The following PIGG variants were observed in gnomAD, a reference collection of about 807,000 sequenced individuals.
PIGG encodes the protein phosphatidylinositol glycan anchor biosynthesis class G (EMM blood group), also known as GPI ethanolamine phosphate transferase 2, catalytic subunit.
PIGG carries 70 observed loss-of-function variants against 83.2 expected under a neutral mutation model. The ratio of observed to expected loss-of-function variants is 0.84; its 90% CI spans 0.69 to 1.03. The LOEUF (loss-of-function observed/expected upper bound fraction) is 1.03. Ranked by LOEUF, PIGG falls within the 50% of genes least tolerant of loss-of-function variation. The pLI is 0.00. For missense variants in PIGG, 1,257 were observed against 1,233.6 expected (o/e 1.02, Z -0.28); for synonymous variants, 532 against 519.5 (o/e 1.02, Z -0.33).
At chr4:530,340 G>A in intron 10 of PIGG, 96 bp from the exon 11 acceptor site, 1 of 852,892 alleles carries the variant, frequency 1.2e-6, no homozygotes. Context: ...GACATTTACT[G>A]GTTCCCTGGG....
At position 506,690 on chromosome 4, in the gene PIGG, C is replaced by T. The variant is rs1719830934; in HGVS notation, c.571-715C>T. 4.4e-6 allele frequency: 2 copies of T among 450,272 alleles called. 1 individual carries two copies. Among genetic ancestry groups the T allele is most frequent in the South Asian group, 3.1e-5 (2 of 64,154 alleles). The allele number at this position is 450,272 out of a possible 1,614,324, so 27.9% of individuals were successfully genotyped here. A position where few individuals can be genotyped will look rare whatever the true frequency, so the allele number is the denominator to read the frequency against. Reference sequence around the variant, plus strand: ...AGATGAGCTAGCTGAGGGGTCAGGGCTCACCAGGCTGACAGCTCTATTGGG... The same window carrying T: ...AGATGAGCTAGCTGAGGGGTCAGGGTTCACCAGGCTGACAGCTCTATTGGG... On this transcript the variant is annotated intron_variant, in intron 3 of 12. Coordinates refer to ENST00000453061, the MANE Select transcript of PIGG (RefSeq NM_001127178.3).
chr4:506,902 T>C, intron 3 of PIGG: 1 of 404,208 alleles, frequency 2.5e-6, no homozygotes, highest in Non-Finnish European at 5.2e-6. Context: ...CCCTTTGCCC[T>C]TAGTTACCTC....
chr4:523,927 C>A lies in PIGG; in HGVS notation c.2069+14C>A. The stretch of plus-strand genomic sequence containing the variant: ...CTGGCTCACCAGGTGAGAGCGTAGG[C>A]CCGTGGCCACAGGCCAGACTTTCTA... On this transcript the variant is annotated intron_variant, in intron 9 of 12. Transcript: ENST00000453061. The A allele has an allele frequency of 6.8e-7, 1 of 1,472,150 alleles. No homozygotes were observed. The allele number at this position is 1,472,150 out of a possible 1,614,324, so 91.2% of individuals were successfully genotyped here.
In PIGG at chr4:527,247, C is replaced by T. The variant is rs770646267; in HGVS notation, c.2261+17C>T. On this transcript the variant is annotated intron_variant, in intron 10 of 12. Transcript: ENST00000453061. ...CATTTCCAAGTAAGTGCGTGGCGGACACGGGGTGCATAGAGCCACTTTACT... is the reference window on the plus strand; with the variant it reads ...CATTTCCAAGTAAGTGCGTGGCGGATACGGGGTGCATAGAGCCACTTTACT... 1.1e-5 allele frequency: 17 copies of T among 1,561,608 alleles called. No individual in the cohort carries two copies. The highest frequency in any genetic ancestry group is 1.5e-5 in the Non-Finnish European group (17 of 1,155,242).
intron 11 of PIGG, 52 bp from the exon 12 acceptor site, chr4:533,766 T>TCAC: frequency 6.4e-7 from 1 of 1,558,126 alleles, no homozygotes; most frequent in Non-Finnish European, 8.8e-7. Context: ...ACATCGTGGC[T>TCAC]GTTGATGCCA....
At chr4:502,954 T>C (rs1560270797) in intron 2 of PIGG, among the ~76,000 whole-genome samples, 1 of 151,716 alleles carries the variant, frequency 6.6e-6, no homozygotes, top group Admixed American at 6.6e-5. Context: ...GGGACAGTCC[T>C]ATGGAAACTG....
intron 6 of PIGG, among the ~76,000 whole-genome samples, chr4:520,306 G>C (rs539818155): frequency 1.3e-5 from 2 of 152,342 alleles, no homozygotes; most frequent in African/African-American, 4.8e-5. Context: ...GTGTGGTCCC[G>C]GCAGAGGCTC....
chr4:500,417 C>T lies in PIGG; in HGVS notation c.176C>T (p.Thr59Met). The T allele has an allele frequency of 1.2e-6, 2 of 1,613,730 alleles. No homozygotes were observed. Among genetic ancestry groups the T allele is most frequent in the South Asian group, 1.1e-5 (1 of 91,074 alleles). The change falls in exon 2 of 13, where the codon ACG (threonine) becomes ATG (methionine). Residue 59 changes from threonine (T) to methionine (M), a missense_variant. Thr to Met is a moderately conservative substitution (Grantham distance 81, BLOSUM62 -1). Coordinates refer to ENST00000453061, the MANE Select transcript of PIGG (RefSeq NM_001127178.3). ...TTAGGAGCCAGTTCTAACTGGACCA[C>T]GCTGCCACCACCTCTCTTCAGTAAA... ...PSAGASSNWTTLPPPLFSKVV... is the reference protein window; with the variant it reads ...PSAGASSNWTMLPPPLFSKVV...
chr4:506,751 T>C (rs782509622), intron 3 of PIGG: 3 of 456,136 alleles, frequency 6.6e-6, no homozygotes, highest in South Asian at 4.6e-5. Flanking sequence ...CCGTGATGTG[T>C]TTATTTCAGA....
chr4:509,291 C>T (rs77502385), intron 5 of PIGG, among the ~76,000 whole-genome samples: 1 of 152,154 alleles, frequency 6.6e-6, no homozygotes, highest in African/African-American at 2.4e-5. Flanking sequence ...GTGAATACCT[C>T]GGCTTTTTTA....
chr4:526,978 G>GTGTA lies in PIGG; in HGVS notation c.2070-60_2070-57dup, dbSNP rs1157278675. 3.1e-6 allele frequency: 5 copies of GTGTA among 1,594,198 alleles called. No homozygotes were observed. The African/African-American group carries it at 5.4e-5, about 17-fold the overall frequency. On this transcript the variant is annotated intron_variant, in intron 9 of 12. Coordinates refer to ENST00000453061, the MANE Select transcript of PIGG (RefSeq NM_001127178.3). ...AATACCGTTCTTTGAAAGCCACTTG[G>GTGTA]TGTAGATTGATCTTGTCGCTGTTTG...
intron 5 of PIGG, among the ~76,000 whole-genome samples, chr4:510,743 T>C (rs1028882183): frequency 1.3e-5 from 2 of 152,142 alleles, no homozygotes; most frequent in Non-Finnish European, 2.9e-5. Flanking sequence ...ACTCACAGCA[T>C]TGGGCCACCA....
rs771022678 is a variant in PIGG at position 521,264 on chromosome 4, G to A, written c.1323G>A (p.Val441=). ...ATTCGATGATGGTGGGGACTGTCGT[G>A]GTTTTGGAGGTACAGATGCTCACAC... ...DIYSMMVGTV[V]VLEVLTLLLL... Residue 441 remains valine, a synonymous_variant, in exon 7 of 13, where the codon GTG becomes GTA. Transcript: ENST00000453061. 1.9e-6 allele frequency: 3 copies of A among 1,610,954 alleles called. No individual in the cohort carries two copies. Among genetic ancestry groups the A allele is most frequent in the Non-Finnish European group, 2.5e-6 (3 of 1,177,340 alleles).
At chr4:501,257 ATC>A in intron 2 of PIGG, 1 of 415,264 alleles carries the variant, frequency 2.4e-6, no homozygotes. Context: ...AAAAAATAGT[ATC>A]TCTGCCTTCA....
rs1397607565 is a variant in PIGG, at chr4:516,118, A to G, written c.1047A>G (p.Arg349=). 8.1e-6 allele frequency: 13 copies of G among 1,613,926 alleles called. No individual in the cohort carries two copies. In the African/African-American group the frequency reaches 1.1e-4, roughly 13 times the overall value. ...VEGRPMREQL[R]FLHLNTVQLS... ...GAAGACCAATGAGAGAGCAGTTGAGATTTTTACATTTGAATACAGTGCAGC... is the reference window on the plus strand; with the variant it reads ...GAAGACCAATGAGAGAGCAGTTGAGGTTTTTACATTTGAATACAGTGCAGC... Residue 349 remains arginine, a synonymous_variant, in exon 6 of 13, where the codon AGA becomes AGG. Coordinates refer to ENST00000453061, the MANE Select transcript of PIGG (RefSeq NM_001127178.3).
At chr4:514,103 G>C (rs1723094680) in intron 5 of PIGG, among the ~76,000 whole-genome samples, 1 of 152,154 alleles carries the variant, frequency 6.6e-6, no homozygotes, top group South Asian at 2.1e-4. Context: ...ATGTAGAACG[G>C]TAGTCACAGT....
At chr4:538,610 G>C (rs545670276) in intron 12 of PIGG, among the ~76,000 whole-genome samples, 1 of 152,242 alleles carries the variant, frequency 6.6e-6, no homozygotes, top group South Asian at 2.1e-4. Context: ...GACGGTGGCA[G>C]ACAGTGGCTG....
intron 5 of PIGG, among the ~76,000 whole-genome samples, chr4:512,467 G>A (rs556381211): frequency 5.9e-5 from 9 of 151,652 alleles, no homozygotes; most frequent in South Asian, 2.1e-4. Context: ...TGCCCACCTC[G>A]GCCTCCCAAC....
chr4:525,037 C>A (rs940525723), intron 9 of PIGG: 2 of 185,538 alleles, frequency 1.1e-5, no homozygotes, highest in Non-Finnish European at 2.0e-5. Context: ...TATCCTGCTG[C>A]TGATGATCCC....
Sources: allele counts gnomAD v4.1 joint callset (sites outside exome capture counted in the v4.1 genomes callset), GRCh38; gene constraint gnomAD v4.1.1; transcripts MANE v1.5; gene names NCBI Gene and HGNC (gene_info 2026-07-23, HGNC 2026-07-21).